KCNG2: variants seen among roughly 807,000 people sequenced by gnomAD.
KCNG2 encodes voltage-gated potassium channel regulatory subunit KCNG2.
KCNG2 carries 7 observed loss-of-function variants against 12.3 expected under a neutral mutation model. The ratio of observed to expected loss-of-function variants is 0.57; its 90% CI spans 0.32 to 1.07. The LOEUF (loss-of-function observed/expected upper bound fraction) is 1.07, where lower values mean the gene tolerates loss of function less well. Among genes scored for constraint, KCNG2 ranks in the 50% least tolerant of loss-of-function variants. The pLI, the probability that KCNG2 is intolerant of heterozygous loss-of-function variation, is 0.04. For missense variants in KCNG2, 703 were observed against 726.0 expected (o/e 0.97, Z 0.36); for synonymous variants, 414 against 351.4 (o/e 1.18, Z -1.99).
intron 1 of KCNG2, among the ~76,000 whole-genome samples, chr18:79,807,699 C>T (rs1201816177): frequency 6.6e-6 from 1 of 152,262 alleles, no homozygotes; most frequent in Non-Finnish European, 1.5e-5. Context: ...CCCCAGAGTC[C>T]GCACTCTGAG....
At chr18:79,817,600 A>G (rs947599652) in intron 1 of KCNG2, among the ~76,000 whole-genome samples, 26 of 152,038 alleles carry the variant, frequency 1.7e-4, no homozygotes, top group Admixed American at 1.7e-3. Flanking sequence ...TGGTTGTCAC[A>G]CCTGGCTGTC....
rs758794736 is a variant in KCNG2, at chr18:79,899,277, C to T, written c.862C>T (p.Arg288Trp). 1.9e-6 allele frequency: 3 copies of T among 1,576,894 alleles called. No homozygotes were observed. Among genetic ancestry groups the T allele is most frequent in the Admixed American group, 1.8e-5 (1 of 56,422 alleles). ...KLLERAGLVL[R>W]LLRALRVLYV... is the part of the protein sequence containing the mutation. The stretch of plus-strand genomic sequence containing the variant: ...CCTGGAGCGCGCGGGGCTGGTGCTG[C>T]GGCTGCTGCGTGCGCTGCGCGTGCT... Residue 288 changes from arginine to tryptophan, a missense_variant, in exon 4 of 4, where the codon CGG becomes TGG. Coordinates refer to ENST00000316249, the MANE Select transcript of KCNG2 (RefSeq NM_012283.2).
chr18:79,850,670 G>A (rs1978784923), intron 1 of KCNG2, among the ~76,000 whole-genome samples: 2 of 152,118 alleles, frequency 1.3e-5, no homozygotes, highest in Admixed American at 6.5e-5. Flanking sequence ...TTGAGAATGC[G>A]TTTTGGCCTC....
At position 79,884,808 on chromosome 18, in the gene KCNG2, C is replaced by G. The variant is rs1980460256; in HGVS notation, c.625-14232C>G. 6.6e-6 allele frequency among the ~76,000 whole-genome samples: 1 copy of G among 152,210 alleles called. No individual in the cohort carries two copies. ...CAGGAACTCGGGAGCGGTTTACCCA[C>G]AGGTTCCTGTGCGTGGGAGCAAACT... On this transcript the variant is annotated intron_variant, in intron 3 of 3. Coordinates refer to ENST00000316249, the MANE Select transcript of KCNG2 (RefSeq NM_012283.2). This position sits in a 1 kb window ranked among gnomAD's most constrained non-coding sequence, Gnocchi z 5.5.
chr18:79,815,785 C>T (rs1479268359), intron 1 of KCNG2, among the ~76,000 whole-genome samples: 1 of 152,216 alleles, frequency 6.6e-6, no homozygotes, highest in African/African-American at 2.4e-5. Context: ...TCCCCTGCTC[C>T]CTGAAGCAGC....
At chr18:79,869,669 G>A (rs956704066) in intron 3 of KCNG2, among the ~76,000 whole-genome samples, 1 of 152,228 alleles carries the variant, frequency 6.6e-6, no homozygotes, top group Non-Finnish European at 1.5e-5. Flanking sequence ...GTGGCCAGGC[G>A]TTAGGGTGAT....
At chr18:79,850,820 A>G (rs913189898) in intron 1 of KCNG2, among the ~76,000 whole-genome samples, 2 of 152,192 alleles carry the variant, frequency 1.3e-5, no homozygotes, top group African/African-American at 4.8e-5. Context: ...ACTAAGAGAG[A>G]TCATGGCCCA....
Position 79,803,525 on chromosome 18 carries a change from T to C in KCNG2, c.-115+5511T>C, listed in dbSNP as rs556393288. Among the ~76,000 whole-genome samples, 1 of 152,324 alleles carries C rather than the reference T, an allele frequency of 6.6e-6. No individual in the cohort carries two copies. Among genetic ancestry groups the C allele is most frequent in the African/African-American group, 2.4e-5 (1 of 41,568 alleles). The stretch of plus-strand genomic sequence containing the variant: ...ATTCTAGGGTGAAGAAAACAGTGGC[T>C]AGGCGTGGGTGTGCAGTGCTGGGGA... On this transcript the variant is annotated intron_variant, in intron 1 of 3. Transcript: ENST00000316249. This position sits in a 1 kb window ranked among gnomAD's most constrained non-coding sequence, Gnocchi z 4.5.
chr18:79,839,684 A>T (rs983948973), intron 1 of KCNG2, among the ~76,000 whole-genome samples: 11 of 152,240 alleles, frequency 7.2e-5, no homozygotes, highest in Admixed American at 7.2e-4. Context: ...ACCAATCTAT[A>T]CTGTCTTTTC....
chr18:79,880,178 G>A lies in KCNG2; in HGVS notation c.624+15887G>A, dbSNP rs983494147. On this transcript the variant is annotated intron_variant, in intron 3 of 3. Coordinates refer to ENST00000316249, the MANE Select transcript of KCNG2 (RefSeq NM_012283.2). ...TCAACTCTACAAAGTCACCCAAAATGTGTAACATTAATATGCCAATAAATG... is the reference window on the plus strand; with the variant it reads ...TCAACTCTACAAAGTCACCCAAAATATGTAACATTAATATGCCAATAAATG... Among the ~76,000 whole-genome samples, 3 of 152,094 alleles carry A rather than the reference G, an allele frequency of 2.0e-5. No homozygotes were observed. In the East Asian group the frequency reaches 5.8e-4, roughly 29 times the overall value.
intron 1 of KCNG2, among the ~76,000 whole-genome samples, chr18:79,835,198 C>A (rs147344795): frequency 2.8e-4 from 42 of 152,308 alleles, no homozygotes; most frequent in African/African-American, 1.0e-3. Context: ...CTCTCTCCCC[C>A]CTGCCAGAGC....
At chr18:79,858,512 A>G (rs143264769) in intron 2 of KCNG2, among the ~76,000 whole-genome samples, 2 of 152,346 alleles carry the variant, frequency 1.3e-5, no homozygotes, top group African/African-American at 4.8e-5. Context: ...CTATTCTAGT[A>G]ATGCCACTGT....
intron 1 of KCNG2, among the ~76,000 whole-genome samples, chr18:79,823,826 A>T (rs2087590937): frequency 6.6e-6 from 1 of 152,174 alleles, no homozygotes; most frequent in African/African-American, 2.4e-5. Flanking sequence ...ATGAGCTAAC[A>T]CCAAGAGGAA....
At chr18:79,887,408 G>A (rs1005871035) in intron 3 of KCNG2, among the ~76,000 whole-genome samples, 3 of 152,082 alleles carry the variant, frequency 2.0e-5, no homozygotes, top group Admixed American at 1.3e-4. Context: ...CCTGTGCTGA[G>A]ATGCCCTGTG....
chr18:79,892,161 T>A (rs1432670858), intron 3 of KCNG2, among the ~76,000 whole-genome samples: 1 of 151,784 alleles, frequency 6.6e-6, no homozygotes, highest in Non-Finnish European at 1.5e-5. Context: ...AGTCTCCAAC[T>A]ATTATTATGG....
At chr18:79,869,508 G>A (rs1302507019) in intron 3 of KCNG2, among the ~76,000 whole-genome samples, 7 of 152,048 alleles carry the variant, frequency 4.6e-5, no homozygotes, top group African/African-American at 1.7e-4. Context: ...GTGCTGGGAC[G>A]GCCCTGGGGA....
At chr18:79,834,595 A>G (rs570715447) in intron 1 of KCNG2, among the ~76,000 whole-genome samples, 69 of 152,344 alleles carry the variant, frequency 4.5e-4, no homozygotes, top group African/African-American at 1.6e-3. Context: ...ACAAACAAAC[A>G]AACAGCTGGT....
intron 1 of KCNG2, among the ~76,000 whole-genome samples, chr18:79,853,474 G>A (rs995553205): frequency 6.6e-6 from 1 of 152,208 alleles, no homozygotes; most frequent in Non-Finnish European, 1.5e-5. Flanking sequence ...GGGGAGCAAG[G>A]AGAGGCAGGA....
intron 1 of KCNG2, among the ~76,000 whole-genome samples, chr18:79,855,670 C>A (rs932189962): frequency 6.6e-6 from 1 of 151,938 alleles, no homozygotes; most frequent in Non-Finnish European, 1.5e-5. Context: ...GTTTCCTTCC[C>A]GATCACCCTC....
Sources: allele counts gnomAD v4.1 joint callset (sites outside exome capture counted in the v4.1 genomes callset), GRCh38; gene constraint gnomAD v4.1.1; non-coding constraint Gnocchi (gnomAD v3.1); transcripts MANE v1.5; gene names NCBI Gene and HGNC (gene_info 2026-07-23, HGNC 2026-07-21).